LRMDA: variants seen among roughly 807,000 people sequenced by gnomAD.
The protein encoded by LRMDA is leucine rich melanocyte differentiation associated.
Under a neutral mutation model 29.8 loss-of-function variants are expected in LRMDA, and 18 were observed. That is an observed-to-expected ratio of 0.60 (90% CI 0.42 to 0.90). The LOEUF (loss-of-function observed/expected upper bound fraction) is 0.90, where lower values mean the gene tolerates loss of function less well. LRMDA is among the 40% of genes least tolerant of loss of function. The probability of loss-of-function intolerance (pLI) is 0.00; values close to 1 mark genes in which losing one functional copy is unlikely to be tolerated. For missense variants in LRMDA, 273 were observed against 273.9 expected (o/e 1.00, Z 0.02); for synonymous variants, 125 against 109.4 (o/e 1.14, Z -0.89).
At chr10:75,543,279 T>C (rs931847747) in intron 2 of LRMDA, among the ~76,000 whole-genome samples, 4 of 152,250 alleles carry the variant, frequency 2.6e-5, no homozygotes, top group Admixed American at 1.3e-4. Flanking sequence ...ATTTTGCTTC[T>C]TCTTTAACAG....
intron 2 of LRMDA, among the ~76,000 whole-genome samples, chr10:75,609,803 C>T (rs979374880): frequency 5.3e-5 from 8 of 152,138 alleles, no homozygotes; most frequent in African/African-American, 1.9e-4. Flanking sequence ...CAGGCATCCA[C>T]AGTCACCCTT....
intron 3 of LRMDA, among the ~76,000 whole-genome samples, chr10:76,039,048 A>C (rs1589298938): frequency 6.6e-6 from 1 of 152,188 alleles, no homozygotes; most frequent in Admixed American, 6.5e-5. Flanking sequence ...AGCATAAGAC[A>C]CTTCACATGG....
At chr10:75,612,972 C>G (rs148980764) in intron 2 of LRMDA, among the ~76,000 whole-genome samples, 59 of 152,264 alleles carry the variant, frequency 3.9e-4, no homozygotes, top group African/African-American at 1.4e-3. Context: ...GTTTGCTGTG[C>G]TAAGAGCATT....
chr10:75,952,288 A>G (rs1846590014), intron 2 of LRMDA, among the ~76,000 whole-genome samples: 1 of 152,210 alleles, frequency 6.6e-6, no homozygotes, highest in African/African-American at 2.4e-5. Context: ...AATTGAAAAT[A>G]TTGATTGGCA....
chr10:76,155,158 A>T (rs1453556225), intron 5 of LRMDA, among the ~76,000 whole-genome samples: 2 of 152,212 alleles, frequency 1.3e-5, no homozygotes. Flanking sequence ...GAGAAAAGCT[A>T]AATCAAAATA....
intron 2 of LRMDA, among the ~76,000 whole-genome samples, chr10:75,615,851 C>T (rs1006520916): frequency 1.3e-5 from 2 of 152,018 alleles, no homozygotes; most frequent in African/African-American, 4.8e-5. Context: ...CCCAAAGTGC[C>T]GGATAATGGG....
At chr10:75,600,437 A>G (rs1267726627) in intron 2 of LRMDA, among the ~76,000 whole-genome samples, 1 of 152,176 alleles carries the variant, frequency 6.6e-6, no homozygotes, top group Non-Finnish European at 1.5e-5. Context: ...TGTGGATCAG[A>G]TACATCATCC....
At chr10:76,092,474 C>T (rs913830451) in intron 5 of LRMDA, among the ~76,000 whole-genome samples, 1 of 152,240 alleles carries the variant, frequency 6.6e-6, no homozygotes, top group African/African-American at 2.4e-5. Context: ...AATCTCTCTT[C>T]CTCTATCCCT....
At chr10:75,808,684 A>G (rs1564573577) in intron 2 of LRMDA, among the ~76,000 whole-genome samples, 1 of 151,096 alleles carries the variant, frequency 6.6e-6, no homozygotes, top group Admixed American at 6.6e-5. Flanking sequence ...TAATTTTTAT[A>G]TTTTTGGTAG....
intron 5 of LRMDA, among the ~76,000 whole-genome samples, chr10:76,148,299 G>T (rs1459388149): frequency 6.6e-6 from 1 of 152,192 alleles, no homozygotes; most frequent in Non-Finnish European, 1.5e-5. Context: ...GCCTACAGAG[G>T]CAGGCAGGCC....
intron 5 of LRMDA, among the ~76,000 whole-genome samples, chr10:76,068,528 C>A (rs1046481177): frequency 1.3e-5 from 2 of 152,190 alleles, no homozygotes; most frequent in African/African-American, 4.8e-5. Flanking sequence ...ATGCACAGTT[C>A]ACAATAGGGT....
At chr10:76,528,542 A>C (rs1340705766) in intron 6 of LRMDA, among the ~76,000 whole-genome samples, 1 of 152,136 alleles carries the variant, frequency 6.6e-6, no homozygotes, top group East Asian at 1.9e-4. Flanking sequence ...TTTTACAATG[A>C]ACATTTAAAT....
At chr10:75,833,168 G>A (rs1844375859) in intron 2 of LRMDA, among the ~76,000 whole-genome samples, 2 of 152,120 alleles carry the variant, frequency 1.3e-5, no homozygotes, top group South Asian at 2.1e-4. Context: ...TAGCACAAAC[G>A]ACATTGTTTA....
At chr10:75,677,424 TA>T (rs1006822288) in intron 2 of LRMDA, among the ~76,000 whole-genome samples, 27 of 151,428 alleles carry the variant, frequency 1.8e-4, no homozygotes, top group East Asian at 1.5e-3. Flanking sequence ...GAATCAGGTT[TA>T]AAAAAAAAGA....
chr10:76,203,125 T>C (rs774003846), intron 5 of LRMDA, among the ~76,000 whole-genome samples: 8 of 152,200 alleles, frequency 5.3e-5, no homozygotes, highest in Non-Finnish European at 1.2e-4. Context: ...GTACTTTTTG[T>C]GGAGACAGTG....
At chr10:76,068,251 T>C (rs1216702552) in intron 5 of LRMDA, among the ~76,000 whole-genome samples, 3 of 152,176 alleles carry the variant, frequency 2.0e-5, no homozygotes, top group Admixed American at 6.5e-5. Context: ...TCATGTAAGC[T>C]CAGTGATGAA....
At chr10:75,690,525 A>G (rs896980648) in intron 2 of LRMDA, among the ~76,000 whole-genome samples, 12 of 152,042 alleles carry the variant, frequency 7.9e-5, no homozygotes, top group African/African-American at 2.9e-4. Context: ...TATGTTGCCT[A>G]GGCTGGTCTT....
chr10:76,356,372 T>C (rs1248438719), intron 6 of LRMDA, among the ~76,000 whole-genome samples: 1 of 152,206 alleles, frequency 6.6e-6, no homozygotes, highest in Non-Finnish European at 1.5e-5. Flanking sequence ...TAGAAAATCC[T>C]GCTTCCTAGC....
chr10:76,483,179 T>G (rs79357811), intron 6 of LRMDA, among the ~76,000 whole-genome samples: 4,487 of 152,106 alleles, frequency 0.029, 229 homozygotes, highest in African/African-American at 0.1. Context: ...CTTAATGGTG[T>G]ATTTTGATGA....
Sources: allele counts gnomAD v4.1 joint callset (sites outside exome capture counted in the v4.1 genomes callset), GRCh38; gene constraint gnomAD v4.1.1; transcripts MANE v1.5; gene names NCBI Gene and HGNC (gene_info 2026-07-23, HGNC 2026-07-21).